The following ZNF697 variants were observed in gnomAD, a reference collection of about 807,000 sequenced individuals.
The protein encoded by ZNF697 is zinc finger protein 697.
In ZNF697, 23 loss-of-function variants were observed where a neutral mutation model predicts 32.4. That is an observed-to-expected ratio of 0.71 (90% confidence interval 0.51 to 1.01). The LOEUF is 1.01. ZNF697 is among the 50% of genes least tolerant of loss of function. ZNF697 has a pLI of 0.00. For synonymous variants in ZNF697, 418 were observed against 337.2 expected (o/e 1.24, Z -2.62); for missense variants, 930 against 794.0 (o/e 1.17, Z -2.06).
At position 119,625,902 on chromosome 1, in the gene ZNF697, T is replaced by C; in HGVS notation, c.199A>G (p.Arg67Gly). 1 of 1,613,812 alleles carries C rather than the reference T, an allele frequency of 6.2e-7. No individual in the cohort carries two copies. The highest frequency in any genetic ancestry group is 1.3e-5 in the African/African-American group (1 of 75,014). ...GTGCAGATGTCGGGCACTGCTTCCCTGTGCCTTGAGTCCTGTGGGTTGGAG... is the reference window on the plus strand; with the variant it reads ...GTGCAGATGTCGGGCACTGCTTCCCCGTGCCTTGAGTCCTGTGGGTTGGAG... ...MGSNPQDSRH[R>G]EAVPDICTEG... The change falls in exon 2 of 3, where the codon AGG becomes GGG. Residue 67 changes from arginine to glycine, a missense_variant. Arg to Gly is a moderately radical substitution (Grantham distance 125, BLOSUM62 -2). Transcript: ENST00000421812.
intron 1 of ZNF697, among the ~76,000 whole-genome samples, chr1:119,639,007 A>G (rs587729464): frequency 6.6e-6 from 1 of 152,368 alleles, no homozygotes; most frequent in East Asian, 1.9e-4. Flanking sequence ...CTACCTTGAA[A>G]GGATGCTATA....
rs1177971387 is a variant in ZNF697, at chr1:119,623,563, G to A, written c.780C>T (p.Pro260=). ...PPLARPPREK[P]FRCGECGKGF... ...CCTTGCCGCACTCCCCGCAGCGGAA[G>A]GGCTTTTCGCGCGGGGGCCGGGCCA... Residue 260 remains proline (P), a synonymous_variant, in exon 3 of 3, where the codon CCC becomes CCT. Transcript: ENST00000421812. 3.3e-6 allele frequency: 5 copies of A among 1,506,020 alleles called. No individual in the cohort carries two copies. The highest frequency in any genetic ancestry group is 1.2e-5 in the South Asian group (1 of 80,636). 93.3% of individuals were successfully genotyped at this position (1,506,020 alleles called of 1,614,324 possible).
chr1:119,641,384 A>G (rs1038748673), intron 1 of ZNF697, among the ~76,000 whole-genome samples: 3 of 152,160 alleles, frequency 2.0e-5, no homozygotes, highest in African/African-American at 7.2e-5. Context: ...GAAAGCTCAT[A>G]TACTAAAAAA....
rs1198854161 is a variant in ZNF697 at position 119,623,031 on chromosome 1, C to G, written c.1312G>C (p.Val438Leu). 2 of 1,589,756 alleles carry G rather than the reference C, an allele frequency of 1.3e-6. No individual in the cohort carries two copies. Among genetic ancestry groups the G allele is most frequent in the South Asian group, 1.1e-5 (1 of 88,102 alleles). Residue 438 changes from valine to leucine, a missense_variant, in exon 3 of 3, where the codon GTG (valine) becomes CTG (leucine). By Grantham distance (32) the Val-to-Leu change is conservative. Coordinates refer to ENST00000421812, the MANE Select transcript of ZNF697 (RefSeq NM_001080470.2). The part of the protein sequence containing the change: ...KRTHSGERPY[V>L]CRECGKGFGR... ...AAGCCCTTCCCGCACTCGCGGCACA[C>G]GTAGGGCCGCTCACCCGAGTGCGTG...
chr1:119,628,537 G>C (rs1039022322), intron 1 of ZNF697, among the ~76,000 whole-genome samples: 16 of 152,234 alleles, frequency 1.1e-4, no homozygotes. Context: ...GAGCTCCGAA[G>C]GGAGTAGTTC....
Position 119,621,334 on chromosome 1 carries a change from C to G in ZNF697, c.*1371G>C, listed in dbSNP as rs587737484. 2.6e-5 allele frequency: 4 copies of G among 152,604 alleles called. No individual in the cohort carries two copies. Among genetic ancestry groups the G allele is most frequent in the Non-Finnish European group, 5.9e-5 (4 of 68,050 alleles). 9.5% of individuals were successfully genotyped at this position (152,604 alleles called of 1,614,324 possible). A position where few individuals can be genotyped will look rare whatever the true frequency, so the allele number is the denominator to read the frequency against. On this transcript the variant is annotated 3_prime_UTR_variant, in exon 3 of 3. Transcript: ENST00000421812. Reference sequence around the variant, plus strand: ...CAGCCTGCACACTCCTGTTCCCAGGCCTTCCCTAAGACAGCGGTCATAATA... The same window carrying G: ...CAGCCTGCACACTCCTGTTCCCAGGGCTTCCCTAAGACAGCGGTCATAATA...
chr1:119,642,872 A>AGGAT (rs201178239), intron 1 of ZNF697, among the ~76,000 whole-genome samples: 1 of 62,992 alleles, frequency 1.6e-5, no homozygotes, highest in Non-Finnish European at 2.8e-5. Context: ...ACCTGCCTGA[A>AGGAT]GATTTTCAAA....
chr1:119,623,620 A>ACCCC lies in ZNF697; in HGVS notation c.722_723insGGGG (p.Val242GlyfsTer194). On this transcript the variant is annotated frameshift_variant, in exon 3 of 3. Coordinates refer to ENST00000421812, the MANE Select transcript of ZNF697 (RefSeq NM_001080470.2). LOFTEE classifies it high-confidence loss of function. The stretch of plus-strand genomic sequence containing the variant: ...GCCCGGCCCCGAAGCCCCCCGCCAC[A>ACCCC]CCCACCCCCATCATGCCCACCATCG... The ACCCC allele has an allele frequency of 1.6e-6, 1 of 610,018 alleles. No individual in the cohort carries two copies. The highest frequency in any genetic ancestry group is 2.5e-6 in the Non-Finnish European group (1 of 396,326). 37.8% of individuals were successfully genotyped at this position (610,018 alleles called of 1,614,324 possible). A position where few individuals can be genotyped will look rare whatever the true frequency, so the allele number is the denominator to read the frequency against.
Position 119,623,779 on chromosome 1 carries a change from G to A in ZNF697, c.564C>T (p.Pro188=), listed in dbSNP as rs1648463714. ...TCTCCCCGCAGTCGGGGCAGATGGT[G>A]GGCGCGTCCATGATGCTGGCCACCA... The part of the protein sequence containing the change: ...DSLVASIMDA[P]TICPDCGESF... The change falls in exon 3 of 3, where the codon CCC becomes CCT. Residue 188 remains proline (P), a synonymous_variant. Coordinates refer to ENST00000421812, the MANE Select transcript of ZNF697 (RefSeq NM_001080470.2). The A allele has an allele frequency of 6.5e-7, 1 of 1,545,392 alleles. No individual in the cohort carries two copies. Among genetic ancestry groups the A allele is most frequent in the Non-Finnish European group, 8.7e-7 (1 of 1,146,432 alleles).
At position 119,622,956 on chromosome 1, in the gene ZNF697, T is replaced by A. The variant is rs1330582138; in HGVS notation, c.1387A>T (p.Lys463Ter). Residue 463 changes from lysine (K) to a stop codon, truncating the protein, a stop_gained, in exon 3 of 3, where the codon AAG (lysine) becomes TAG (stop). Transcript: ENST00000421812. LOFTEE classifies it high-confidence loss of function. ...VNHLRVHTGE[K>*]PFRCGQCEKR... ...TCGCACTGGCCACAGCGGAAGGGCT[T>A]CTCGCCGGTGTGCACGCGCAGGTGG... 1 of 1,603,734 alleles carries A rather than the reference T, an allele frequency of 6.2e-7. No homozygotes were observed. The highest frequency in any genetic ancestry group is 1.7e-5 in the Admixed American group (1 of 59,118).
In ZNF697 at chr1:119,623,962, G is replaced by A. The variant is rs989073333; in HGVS notation, c.381C>T (p.Asn127=). The stretch of plus-strand genomic sequence containing the variant: ...GCTGCTCCTCTTCCTCCTCCAGCCG[G>A]TTCTCCCCAGCACTCTCGTCGTCGT... The part of the protein sequence containing the change: ...REDDDESAGE[N]RLEEEEEQPA... Residue 127 remains asparagine, a synonymous_variant, in exon 3 of 3, where the codon AAC becomes AAT. Coordinates refer to ENST00000421812, the MANE Select transcript of ZNF697 (RefSeq NM_001080470.2). The A allele has an allele frequency of 6.2e-7, 1 of 1,606,252 alleles. No homozygotes were observed. Among genetic ancestry groups the A allele is most frequent in the African/African-American group, 1.3e-5 (1 of 74,716 alleles).
intron 2 of ZNF697, 54 bp downstream of exon 2, chr1:119,625,821 T>C (rs1207854371): frequency 5.0e-6 from 8 of 1,594,974 alleles, no homozygotes; most frequent in Non-Finnish European, 6.0e-6. Flanking sequence ...CTAGAGGAGC[T>C]AGAAGTAAGT....
chr1:119,640,525 G>C (rs1451255315), intron 1 of ZNF697, among the ~76,000 whole-genome samples: 1 of 152,220 alleles, frequency 6.6e-6, no homozygotes, highest in Non-Finnish European at 1.5e-5. Flanking sequence ...TGGCCCAAAT[G>C]CCAGCATGCT....
rs1283011990 is a variant in ZNF697 at position 119,625,945 on chromosome 1, A to T, written c.156T>A (p.His52Gln). 1 of 1,613,842 alleles carries T rather than the reference A, an allele frequency of 6.2e-7. No homozygotes were observed. The highest frequency in any genetic ancestry group is 8.5e-7 in the Non-Finnish European group (1 of 1,179,758). ...NPHDTNKREGHPEPEMGSNPQ... is the reference protein window; with the variant it reads ...NPHDTNKREGQPEPEMGSNPQ... ...GGTTGGAGCCCATCTCCGGCTCCGG[A>T]TGGCCTTCTCTCTTGTTTGTGTCAT... Residue 52 changes from histidine (H) to glutamine (Q), a missense_variant, in exon 2 of 3, where the codon CAT becomes CAA. By Grantham distance (24) the His-to-Gln change is conservative. Coordinates refer to ENST00000421812, the MANE Select transcript of ZNF697 (RefSeq NM_001080470.2).
At chr1:119,643,473 A>G (rs1649131480) in intron 1 of ZNF697, among the ~76,000 whole-genome samples, 1 of 152,228 alleles carries the variant, frequency 6.6e-6, no homozygotes, top group African/African-American at 2.4e-5. Context: ...AATGTGTTCA[A>G]TCTAGTGATA....
intron 1 of ZNF697, among the ~76,000 whole-genome samples, chr1:119,630,077 G>T (rs756222142): frequency 2.0e-5 from 3 of 152,216 alleles, no homozygotes; most frequent in Non-Finnish European, 2.9e-5. Flanking sequence ...GTTTAAGGGG[G>T]AAAAGCAATA....
intron 1 of ZNF697, among the ~76,000 whole-genome samples, chr1:119,628,243 A>G (rs1239957133): frequency 6.6e-6 from 1 of 152,184 alleles, no homozygotes; most frequent in Non-Finnish European, 1.5e-5. Flanking sequence ...CTCCATCCTG[A>G]AGGACAGGAT....
chr1:119,647,224 C>T (rs1484389172), intron 1 of ZNF697, among the ~76,000 whole-genome samples: 1 of 152,180 alleles, frequency 6.6e-6, no homozygotes, highest in African/African-American at 2.4e-5. Flanking sequence ...TCGCTGCTCC[C>T]CCTCAACCTT....
intron 1 of ZNF697, among the ~76,000 whole-genome samples, chr1:119,626,361 T>C (rs1325500455): frequency 1.3e-5 from 2 of 152,194 alleles, no homozygotes; most frequent in Middle Eastern, 3.2e-3. Context: ...ATGCCAACTC[T>C]CACTGGACCA....
Sources: allele counts gnomAD v4.1 joint callset (sites outside exome capture counted in the v4.1 genomes callset), GRCh38; gene constraint gnomAD v4.1.1; transcripts MANE v1.5; gene names NCBI Gene and HGNC (gene_info 2026-07-23, HGNC 2026-07-21).